CCDC88C: variants seen among roughly 807,000 people sequenced by gnomAD.
The protein encoded by CCDC88C is coiled-coil and HOOK domain protein 88C, also known as protein Daple.
Under a neutral mutation model 198.8 loss-of-function variants are expected in CCDC88C, and 131 were observed. The ratio of observed to expected loss-of-function variants is 0.66; its 90% CI spans 0.57 to 0.76. The LOEUF (loss-of-function observed/expected upper bound fraction) is 0.76, where lower values mean the gene tolerates loss of function less well. CCDC88C is among the 30% of genes least tolerant of loss of function. CCDC88C has a pLI of 0.00. For missense variants in CCDC88C, 2,553 were observed against 2,631.6 expected (o/e 0.97, Z 0.65); for synonymous variants, 1,166 against 1,114.7 (o/e 1.05, Z -0.92).
intron 3 of CCDC88C, among the ~76,000 whole-genome samples, chr14:91,397,990 G>T (rs1885952517): frequency 6.6e-6 from 1 of 152,194 alleles, no homozygotes; most frequent in Non-Finnish European, 1.5e-5. Flanking sequence ...CATGAGCCTT[G>T]GTTTCCTAAT....
intron 13 of CCDC88C, among the ~76,000 whole-genome samples, chr14:91,316,711 C>T (rs547340926): frequency 5.0e-4 from 76 of 152,352 alleles, no homozygotes; most frequent in Middle Eastern, 3.4e-3. Context: ...TGTGCCCGGC[C>T]AACCCTTGCA....
intron 3 of CCDC88C, among the ~76,000 whole-genome samples, chr14:91,384,921 A>G (rs1278629488): frequency 6.6e-6 from 1 of 152,212 alleles, no homozygotes; most frequent in East Asian, 1.9e-4. Context: ...CATCCACCCA[A>G]CGGCAAAGGA....
chr14:91,294,150 G>T, intron 23 of CCDC88C, 23 bp downstream of exon 23: 1 of 1,612,672 alleles, frequency 6.2e-7, no homozygotes, highest in South Asian at 1.1e-5. Flanking sequence ...GTGCGGAGAG[G>T]GGTTCAGGGA....
rs932419778 is a variant in CCDC88C at position 91,284,562 on chromosome 14, C to T, written c.4442-1045G>A. Among the ~76,000 whole-genome samples, 2 of 152,158 alleles carry T rather than the reference C, an allele frequency of 1.3e-5. No homozygotes were observed. Among genetic ancestry groups the T allele is most frequent in the Non-Finnish European group, 2.9e-5 (2 of 68,026 alleles). On this transcript the variant is annotated intron_variant, in intron 25 of 29. Transcript: ENST00000389857. The surrounding 1 kb of genome is among the most constrained non-coding windows in gnomAD (Gnocchi z 4.1). ...ATGAGTGAACAGTTAGCATGAGCAG[C>T]GAACAGAGAAAGCACAATTCCAACA... is the stretch of plus-strand genomic sequence containing the variant.
Position 91,283,494 on chromosome 14 carries a change from G to C in CCDC88C, c.4465C>G (p.Arg1489Gly). The C allele has an allele frequency of 6.2e-7, 1 of 1,611,460 alleles. No individual in the cohort carries two copies. The highest frequency in any genetic ancestry group is 8.5e-7 in the Non-Finnish European group (1 of 1,178,898). Residue 1489 changes from arginine to glycine, a missense_variant, in exon 26 of 30, where the codon CGA (arginine) becomes GGA (glycine). Arg to Gly is a moderately radical substitution (Grantham distance 125). Coordinates refer to ENST00000389857, the MANE Select transcript of CCDC88C (RefSeq NM_001080414.4). Reference sequence around the variant, plus strand: ...AGGCTGCCTCTGTGTGGGGAGCCTCGCTTTGGTTTTAGATCCCCAGGGCCT... The same window carrying C: ...AGGCTGCCTCTGTGTGGGGAGCCTCCCTTTGGTTTTAGATCCCCAGGGCCT... ...GKGPGDLKPK[R>G]GSPHRGSLDR... is the part of the protein sequence containing the mutation.
rs1891532180 is a variant in CCDC88C, at chr14:91,305,808, T to C, written c.3314A>G (p.Gln1105Arg). The change falls in exon 19 of 30, where the codon CAG (glutamine) becomes CGG (arginine). Residue 1105 changes from glutamine to arginine, a missense_variant. Physicochemically the swap from Gln to Arg is conservative, Grantham distance 43. Transcript: ENST00000389857. ...LTLQKQSAFL[Q>R]EHNTTLQTQT... ...GGTCTGCAGTGTGGTGTTGTGCTCC[T>C]GCAGGAAGGCGCTCTGTTTCTGCAG... is the stretch of plus-strand genomic sequence containing the variant. 3 of 1,613,706 alleles carry C rather than the reference T, an allele frequency of 1.9e-6. No homozygotes were observed. Among genetic ancestry groups the C allele is most frequent in the African/African-American group, 1.3e-5 (1 of 74,942 alleles).
Position 91,308,511 on chromosome 14 carries a change from C to A in CCDC88C, c.2865-19G>T. 6.2e-7 allele frequency: 1 copy of A among 1,612,216 alleles called. No individual in the cohort carries two copies. Among genetic ancestry groups the A allele is most frequent in the Non-Finnish European group, 8.5e-7 (1 of 1,178,914 alleles). On this transcript the variant is annotated intron_variant, in intron 16 of 29. Transcript: ENST00000389857. ...GTATTTTCTGGAAAACACAAAGATA[C>A]AATAGTATCACTTATCTACTTCCTC... is the stretch of plus-strand genomic sequence containing the variant.
At chr14:91,292,576 G>T (rs145485892) in intron 23 of CCDC88C, among the ~76,000 whole-genome samples, 1 of 152,256 alleles carries the variant, frequency 6.6e-6, no homozygotes, top group African/African-American at 2.4e-5. Flanking sequence ...TAACAAAGGA[G>T]CATCGTTACA....
At chr14:91,301,588 A>G (rs1891287480) in intron 20 of CCDC88C, among the ~76,000 whole-genome samples, 1 of 152,100 alleles carries the variant, frequency 6.6e-6, no homozygotes, top group Non-Finnish European at 1.5e-5. Context: ...GTGGTGGTGC[A>G]TGCCTGTAGT....
chr14:91,389,351 C>T (rs954502010), intron 3 of CCDC88C, among the ~76,000 whole-genome samples: 4 of 152,198 alleles, frequency 2.6e-5, no homozygotes, highest in African/African-American at 9.7e-5. Context: ...GAAAAGTCAA[C>T]AACTGCTCTT....
Position 91,312,544 on chromosome 14 carries a change from G to A in CCDC88C, c.2736+536C>T, listed in dbSNP as rs141894840. Among the ~76,000 whole-genome samples the A allele has an allele frequency of 1.8e-3, 267 of 152,314 alleles. 1 individual carries two copies. The highest frequency in any genetic ancestry group is 3.4e-3 in the Middle Eastern group (1 of 294). ...CTAAAAATACAAAAAGATTAGCCAG[G>A]TGTGGTAGTGTGCATCTGTAGGCCC... On this transcript the variant is annotated intron_variant, in intron 15 of 29. Transcript: ENST00000389857.
intron 6 of CCDC88C, among the ~76,000 whole-genome samples, chr14:91,341,092 G>C (rs1370763592): frequency 6.6e-6 from 1 of 152,188 alleles, no homozygotes; most frequent in Non-Finnish European, 1.5e-5. Context: ...CTCAAAATTT[G>C]AAGAGACACC....
rs367996097 is a variant in CCDC88C, at chr14:91,313,755, G to A, written c.2061C>T (p.Asn687=). 120 of 1,608,000 alleles carry A rather than the reference G, an allele frequency of 7.5e-5. No individual in the cohort carries two copies. Among genetic ancestry groups the A allele is most frequent in the African/African-American group, 4.4e-4 (33 of 74,940 alleles). ...TLRKSLDTLQ[N]VSLQLEGLER... ...CCAGGCCCTCAAGCTGCAGGGACAC[G>A]TTCTGCAAGGTGTCCAGAGACTTCC... The change falls in exon 15 of 30, where the codon AAC becomes AAT. Residue 687 remains asparagine (N), a synonymous_variant. Transcript: ENST00000389857. This position sits in a 1 kb window ranked among gnomAD's most constrained non-coding sequence, Gnocchi z 5.2.
chr14:91,403,133 G>A (rs985568970), intron 3 of CCDC88C, among the ~76,000 whole-genome samples: 2 of 152,168 alleles, frequency 1.3e-5, no homozygotes, highest in Non-Finnish European at 2.9e-5. Context: ...CCAGAGAGAC[G>A]GCGGGACCCC....
chr14:91,376,580 T>C (rs1465346190), intron 3 of CCDC88C, among the ~76,000 whole-genome samples: 1 of 152,178 alleles, frequency 6.6e-6, no homozygotes, highest in Non-Finnish European at 1.5e-5. Flanking sequence ...ATTTCCTGCA[T>C]GAACGCAGAG....
At chr14:91,402,037 G>A (rs1886232638) in intron 3 of CCDC88C, among the ~76,000 whole-genome samples, 1 of 152,196 alleles carries the variant, frequency 6.6e-6, no homozygotes, top group Non-Finnish European at 1.5e-5. Context: ...CACTTTGAGA[G>A]GGTGAGGCGG....
chr14:91,272,606 GA>G lies in CCDC88C; in HGVS notation c.*18del, dbSNP rs1889780529. The stretch of plus-strand genomic sequence containing the variant: ...GCGCGTCAGTAGTTTTCAGGTTTGC[GA>G]GCTCAACCACGAGACAGTCACACAC... On this transcript the variant is annotated 3_prime_UTR_variant, in exon 30 of 30. Transcript: ENST00000389857. 1 of 1,588,562 alleles carries G rather than the reference GA, an allele frequency of 6.3e-7. No individual in the cohort carries two copies. Among genetic ancestry groups the G allele is most frequent in the Admixed American group, 1.7e-5 (1 of 57,560 alleles).
At chr14:91,331,701 G>C (rs1343987671) in intron 10 of CCDC88C, among the ~76,000 whole-genome samples, 4 of 152,194 alleles carry the variant, frequency 2.6e-5, no homozygotes, top group Non-Finnish European at 5.9e-5. Flanking sequence ...GCAGCTCCCT[G>C]TTGGGGAGGC....
chr14:91,290,512 G>T (rs960907535), intron 24 of CCDC88C, among the ~76,000 whole-genome samples: 1 of 152,228 alleles, frequency 6.6e-6, no homozygotes, highest in African/African-American at 2.4e-5. Flanking sequence ...GCTCTCTGGG[G>T]AAGAGACATG....
Sources: allele counts gnomAD v4.1 joint callset (sites outside exome capture counted in the v4.1 genomes callset), GRCh38; gene constraint gnomAD v4.1.1; non-coding constraint Gnocchi (gnomAD v3.1); transcripts MANE v1.5; gene names NCBI Gene and HGNC (gene_info 2026-07-23, HGNC 2026-07-21).